Variants in TCF12 observed in about 807,000 individuals in gnomAD.
TCF12 encodes the protein DNA-binding protein HTF4.
TCF12 carries 45 observed loss-of-function variants against 86.0 expected under a neutral mutation model. That is an observed-to-expected ratio of 0.52 (90% CI 0.41 to 0.67). The LOEUF (loss-of-function observed/expected upper bound fraction) is 0.67. Among genes scored for constraint, TCF12 ranks in the 30% least tolerant of loss-of-function variants. TCF12 has a pLI of 0.00. For missense variants in TCF12, 881 were observed against 859.9 expected, an observed-to-expected ratio of 1.02 and a Z score of -0.31; for synonymous variants, 330 against 299.6, an observed-to-expected ratio of 1.10 and a Z score of -1.05.
intron 4 of TCF12, among the ~76,000 whole-genome samples, chr15:57,083,750 G>A (rs1248334884): frequency 6.6e-6 from 1 of 151,960 alleles, no homozygotes; most frequent in Non-Finnish European, 1.5e-5. Flanking sequence ...ATATCTGGCT[G>A]ATTTTCTTGT....
chr15:57,013,050 G>A (rs1172676036), intron 3 of TCF12, among the ~76,000 whole-genome samples: 1 of 150,368 alleles, frequency 6.7e-6, no homozygotes, highest in Admixed American at 6.6e-5. Flanking sequence ...TTTTTTTTAT[G>A]TGTGTGAAAC....
At chr15:57,077,730 C>A (rs1478975345) in intron 4 of TCF12, among the ~76,000 whole-genome samples, 2 of 138,514 alleles carry the variant, frequency 1.4e-5, no homozygotes, top group Non-Finnish European at 3.1e-5. Context: ...CCACACCTGG[C>A]GGATCTGTAG....
chr15:57,251,397 A>T lies in TCF12; in HGVS notation c.1162A>T (p.Ser388Cys). 1 of 1,613,948 alleles carries T rather than the reference A, an allele frequency of 6.2e-7. No individual in the cohort carries two copies. Among genetic ancestry groups the T allele is most frequent in the Non-Finnish European group, 8.5e-7 (1 of 1,179,904 alleles). ...RPGGQAPSSP[S>C]YENSLHSLKN... ...TGGAGGGCAAGCACCTTCATCCCCA[A>T]GCTATGAAAACTCACTCCACTCCCT... Residue 388 changes from serine to cysteine, a missense_variant, in exon 14 of 21, where the codon AGC becomes TGC. Physicochemically the swap from Ser to Cys is moderately radical, Grantham distance 112. Transcript: ENST00000333725.
intron 3 of TCF12, among the ~76,000 whole-genome samples, chr15:57,060,958 C>T (rs1176753402): frequency 1.3e-5 from 2 of 152,182 alleles, no homozygotes; most frequent in Non-Finnish European, 2.9e-5. Flanking sequence ...GTGCCAGCCA[C>T]GACCTTTTAC....
chr15:57,030,658 C>CA (rs151207662), intron 3 of TCF12, among the ~76,000 whole-genome samples: 3,667 of 152,290 alleles, frequency 0.024, 153 homozygotes, highest in African/African-American at 0.083. Context: ...TGCTGAAACT[C>CA]AAACACTATA....
intron 5 of TCF12, among the ~76,000 whole-genome samples, chr15:57,134,010 T>A (rs1286611924): frequency 1.3e-5 from 2 of 152,380 alleles, no homozygotes; most frequent in East Asian, 3.9e-4. Context: ...AGAGTACTGA[T>A]GTATTTTTAA....
At chr15:57,216,563 TAA>T (rs5812872) in intron 8 of TCF12, among the ~76,000 whole-genome samples, 252 of 129,054 alleles carry the variant, frequency 2.0e-3, no homozygotes, top group Non-Finnish European at 2.3e-3. Flanking sequence ...CATGTTCCTT[TAA>T]AAAAAAAAAA....
At chr15:57,149,712 T>G (rs2053607127) in intron 5 of TCF12, among the ~76,000 whole-genome samples, 1 of 152,174 alleles carries the variant, frequency 6.6e-6, no homozygotes, top group Non-Finnish European at 1.5e-5. Flanking sequence ...AAAGTAAAGA[T>G]AGTAGCAAAT....
At chr15:57,280,804 A>G (rs1268262025) in intron 19 of TCF12, among the ~76,000 whole-genome samples, 1 of 152,350 alleles carries the variant, frequency 6.6e-6, no homozygotes, top group African/African-American at 2.4e-5. Flanking sequence ...GACATAAAAT[A>G]TTACAACTTC....
chr15:57,160,020 T>G (rs2151503954), intron 5 of TCF12, among the ~76,000 whole-genome samples: 1 of 152,340 alleles, frequency 6.6e-6, no homozygotes, highest in African/African-American at 2.4e-5. Flanking sequence ...CATCAATACA[T>G]TATTTTCTAT....
At chr15:56,944,876 T>A (rs541472380) in intron 3 of TCF12, among the ~76,000 whole-genome samples, 1 of 152,288 alleles carries the variant, frequency 6.6e-6, no homozygotes, top group Admixed American at 6.5e-5. Flanking sequence ...AGATTCTATT[T>A]CCATATAAAT....
intron 18 of TCF12, among the ~76,000 whole-genome samples, chr15:57,268,085 C>T (rs750986464): frequency 5.3e-5 from 8 of 152,188 alleles, no homozygotes; most frequent in Non-Finnish European, 1.2e-4. Context: ...CATCATCATA[C>T]TGCCACCAGT....
intron 3 of TCF12, among the ~76,000 whole-genome samples, chr15:57,062,792 A>G (rs1305715334): frequency 6.6e-6 from 1 of 152,230 alleles, no homozygotes; most frequent in Non-Finnish European, 1.5e-5. Context: ...TGTAGTATCT[A>G]GGCTGTTCTC....
intron 8 of TCF12, among the ~76,000 whole-genome samples, chr15:57,209,865 C>T (rs2058028892): frequency 6.6e-6 from 1 of 152,180 alleles, no homozygotes; most frequent in South Asian, 2.1e-4. Flanking sequence ...CTCCTTTTTA[C>T]TGCTTCTTAA....
rs1170646090 is a variant in TCF12 at position 56,923,497 on chromosome 15, T to C, written c.148+2399T>C. On this transcript the variant is annotated intron_variant, in intron 3 of 20. Coordinates refer to ENST00000333725, the MANE Select transcript of TCF12 (RefSeq NM_207037.2). The stretch of plus-strand genomic sequence containing the variant: ...GAGTGAATTTGTTCACTTGGTATGA[T>C]AGGCTCTGTGAAGTGTTCCTAAAGT... Among the ~76,000 whole-genome samples, 5 of 152,138 alleles carry C rather than the reference T, an allele frequency of 3.3e-5. No homozygotes were observed. In the East Asian group the frequency reaches 9.6e-4, roughly 29 times the overall value.
At chr15:56,938,759 C>T (rs1363809554) in intron 3 of TCF12, among the ~76,000 whole-genome samples, 5 of 151,764 alleles carry the variant, frequency 3.3e-5, no homozygotes, top group Admixed American at 1.3e-4. Context: ...TTTCAAAGGC[C>T]CTATCTCCAT....
chr15:56,966,871 C>G (rs1194730361), intron 3 of TCF12, among the ~76,000 whole-genome samples: 1 of 152,048 alleles, frequency 6.6e-6, no homozygotes, highest in Admixed American at 6.5e-5. Flanking sequence ...GCCTGTAATC[C>G]CAGCACTTTG....
chr15:57,208,619 A>C (rs575230647), intron 8 of TCF12, among the ~76,000 whole-genome samples: 1 of 151,500 alleles, frequency 6.6e-6, no homozygotes, highest in Non-Finnish European at 1.5e-5. Flanking sequence ...TCCTGGACTC[A>C]AGCGATCCAC....
intron 3 of TCF12, among the ~76,000 whole-genome samples, chr15:56,944,300 T>C (rs1018917160): frequency 1.6e-4 from 25 of 152,192 alleles, no homozygotes; most frequent in East Asian, 7.7e-4. Context: ...TTGTAAAATG[T>C]ATAGGTTGGA....
Sources: gnomAD v4.1 joint callset for allele counts (sites outside exome capture counted in the v4.1 genomes callset) on GRCh38, gnomAD v4.1.1 for gene constraint, MANE v1.5 for transcripts, NCBI Gene and HGNC (gene_info 2026-07-23, HGNC 2026-07-21) for gene names.